The following PLXNB1 variants were observed in gnomAD, a reference collection of about 807,000 sequenced individuals.
PLXNB1 encodes plexin-B1.
A neutral mutation model predicts 209.4 loss-of-function variants in PLXNB1; 106 were observed. The ratio of observed to expected loss-of-function variants is 0.51; its 90% CI spans 0.43 to 0.59. The LOEUF (loss-of-function observed/expected upper bound fraction) is 0.59, where lower values mean the gene tolerates loss of function less well. PLXNB1 is among the 20% of genes least tolerant of loss of function. PLXNB1 has a pLI of 0.00. For missense variants in PLXNB1, 2,357 were observed against 2,853.2 expected (o/e 0.83, Z 3.96); for synonymous variants, 1,167 against 1,183.2 (o/e 0.99, Z 0.28).
At position 48,415,905 on chromosome 3, in the gene PLXNB1, G is replaced by A; in HGVS notation, c.3617+126C>T. 1.4e-5 allele frequency: 19 copies of A among 1,354,072 alleles called. No individual in the cohort carries two copies. The highest frequency in any genetic ancestry group is 1.9e-5 in the Non-Finnish European group (19 of 993,678). The allele number at this position is 1,354,072 out of a possible 1,614,324, so 83.9% of individuals were successfully genotyped here. On this transcript the variant is annotated intron_variant, in intron 18 of 37. Coordinates refer to ENST00000296440, the MANE Select transcript of PLXNB1 (RefSeq NM_001130082.3). The surrounding 1 kb of genome is among the most constrained non-coding windows in gnomAD (Gnocchi z 5.0). ...ACTCCCACCACAGCTGGCTAGGGAG[G>A]GTCTGGCCACTCTCTGAAGGAGCAG...
intron 27 of PLXNB1, 46 bp downstream of exon 27, chr3:48,412,192 C>A (rs756245603): frequency 6.3e-7 from 1 of 1,585,722 alleles, no homozygotes; most frequent in Admixed American, 1.7e-5. Context: ...GTTTGGAGGG[C>A]CTGACCCTCC....
chr3:48,411,878 C>T lies in PLXNB1; in HGVS notation c.5232G>A (p.Val1744=). The T allele has an allele frequency of 1.2e-6, 2 of 1,614,108 alleles. No homozygotes were observed. The highest frequency in any genetic ancestry group is 1.7e-6 in the Non-Finnish European group (2 of 1,179,988). ...ACACCCTCACCAGGGGACGGTACTCCACATCCTCTCTGAGCAGGCGGTTGT... is the reference window on the plus strand; with the variant it reads ...ACACCCTCACCAGGGGACGGTACTCTACATCCTCTCTGAGCAGGCGGTTGT... ...LNDNRLLRED[V]EYRPLTLNAL... Residue 1744 remains valine (V), a synonymous_variant, in exon 28 of 38, where the codon GTG becomes GTA. Coordinates refer to ENST00000296440, the MANE Select transcript of PLXNB1 (RefSeq NM_001130082.3). The surrounding 1 kb of genome is among the most constrained non-coding windows in gnomAD (Gnocchi z 4.0).
intron 21 of PLXNB1, among the ~76,000 whole-genome samples, 197 bp from the exon 22 acceptor site, chr3:48,414,268 C>T (rs1342460258): frequency 1.3e-5 from 2 of 152,194 alleles, no homozygotes; most frequent in Non-Finnish European, 2.9e-5. Context: ...TCCTATCTTT[C>T]TTCTCCAGAA....
intron 6 of PLXNB1, 91 bp from the exon 7 acceptor site, chr3:48,421,897 A>C (rs2038551224): frequency 6.6e-7 from 1 of 1,512,668 alleles, no homozygotes; most frequent in Non-Finnish European, 8.9e-7. Context: ...GGACCTGGGC[A>C]GGGCCCTAGA....
chr3:48,419,255 G>T lies in PLXNB1; in HGVS notation c.2821C>A (p.His941Asn). Residue 941 changes from histidine to asparagine, a missense_variant, in exon 12 of 38, where the codon CAC becomes AAC. By Grantham distance (68) the His-to-Asn change is moderately conservative. Around this residue, in one of 7 missense-constraint regions of PLXNB1, gnomAD observed 410 missense variants for 401.0 expected, o/e 1.02. Transcript: ENST00000296440. This position sits in a 1 kb window ranked among gnomAD's most constrained non-coding sequence, Gnocchi z 5.7. ...REIRLLGRNLHLFQDGPGDNE... is the reference protein window; with the variant it reads ...REIRLLGRNLNLFQDGPGDNE... ...CAGGACACACTGACCTGGAAAAGGT[G>T]CAGGTTCCTGCCTAGCAGCCGGATT... 1 of 1,581,746 alleles carries T rather than the reference G, an allele frequency of 6.3e-7. No individual in the cohort carries two copies. The highest frequency in any genetic ancestry group is 1.1e-5 in the South Asian group (1 of 87,058).
chr3:48,405,638 C>A lies in PLXNB1; in HGVS notation c.6303+86G>T. 5.6e-6 allele frequency: 6 copies of A among 1,069,006 alleles called. No individual in the cohort carries two copies. The highest frequency in any genetic ancestry group is 8.4e-6 in the Non-Finnish European group (6 of 711,322). The allele number at this position is 1,069,006 out of a possible 1,614,324, so 66.2% of individuals were successfully genotyped here. On this transcript the variant is annotated intron_variant, in intron 37 of 37. Transcript: ENST00000296440. The surrounding 1 kb of genome is among the most constrained non-coding windows in gnomAD (Gnocchi z 5.0). ...CTGTCCCTGGGGAAGACCAAAGCCC[C>A]CAACGTGAGTCACAGGGTCAGAGCC...
intron 10 of PLXNB1, 74 bp from the exon 11 acceptor site, chr3:48,420,331 A>G: frequency 1.2e-6 from 1 of 822,130 alleles, no homozygotes; most frequent in Non-Finnish European, 1.9e-6. Flanking sequence ...AGGCAGGCAC[A>G]GTGTATGTTA....
In PLXNB1 at chr3:48,421,733, C is replaced by G; in HGVS notation, c.1594G>C (p.Gly532Arg). 6.2e-7 allele frequency: 1 copy of G among 1,610,970 alleles called. No individual in the cohort carries two copies. Among genetic ancestry groups the G allele is most frequent in the Non-Finnish European group, 8.5e-7 (1 of 1,177,546 alleles). Reference protein sequence around the residue: ...QWLWSFQPELGCLQVAAMSPA... With the variant: ...QWLWSFQPELRCLQVAAMSPA... The stretch of plus-strand genomic sequence containing the variant: ...CTCATGGCTGCCACTTGCAGACAGC[C>G]CAGCTCAGGCTGGAAGCTCCATAGC... The change falls in exon 7 of 38, where the codon GGC becomes CGC. Residue 532 changes from glycine (G) to arginine (R), a missense_variant. Around this residue, in one of 7 missense-constraint regions of PLXNB1, gnomAD observed 214 missense variants for 297.1 expected, o/e 0.72. Coordinates refer to ENST00000296440, the MANE Select transcript of PLXNB1 (RefSeq NM_001130082.3).
chr3:48,414,459 T>G (rs761596128), intron 21 of PLXNB1, among the ~76,000 whole-genome samples: 5 of 152,218 alleles, frequency 3.3e-5, no homozygotes, highest in African/African-American at 1.2e-4. Flanking sequence ...GCCTAGCGCA[T>G]GTCCATGTGA....
Position 48,410,443 on chromosome 3 carries a change from C to G in PLXNB1, c.5520+12G>C, listed in dbSNP as rs1560048394. Reference sequence around the variant, plus strand: ...CCCCACCATGCCCTCCTCCAGCTCCCACTCCTCCTACCTTGTAATGCTGCA... The same window carrying G: ...CCCCACCATGCCCTCCTCCAGCTCCGACTCCTCCTACCTTGTAATGCTGCA... On this transcript the variant is annotated intron_variant, in intron 30 of 37. Transcript: ENST00000296440. This position sits in a 1 kb window ranked among gnomAD's most constrained non-coding sequence, Gnocchi z 6.4. 1.2e-6 allele frequency: 2 copies of G among 1,613,136 alleles called. No homozygotes were observed. Among genetic ancestry groups the G allele is most frequent in the Non-Finnish European group, 1.7e-6 (2 of 1,179,130 alleles).
upstream of PLXNB1, among the ~76,000 whole-genome samples, chr3:48,430,253 G>A (rs547343051): frequency 6.6e-6 from 1 of 152,328 alleles, no homozygotes; most frequent in Admixed American, 6.5e-5. Context: ...CCTCTAGCGG[G>A]GCTGTGAAGG....
Position 48,410,446 on chromosome 3 carries a change from TCCTCCTA to T in PLXNB1, c.5520+2_5520+8del. 1 of 1,612,864 alleles carries T rather than the reference TCCTCCTA, an allele frequency of 6.2e-7. No individual in the cohort carries two copies. The highest frequency in any genetic ancestry group is 8.5e-7 in the Non-Finnish European group (1 of 1,179,102). ...CACCATGCCCTCCTCCAGCTCCCAC[TCCTCCTA>T]CCTTGTAATGCTGCAGTGTGTTCAG... On this transcript the variant is annotated splice_donor_variant and splice_donor_5th_base_variant and intron_variant, in intron 30 of 37. Transcript: ENST00000296440. LOFTEE classifies it high-confidence loss of function. The surrounding 1 kb of genome is among the most constrained non-coding windows in gnomAD (Gnocchi z 6.4).
Position 48,411,139 on chromosome 3 carries a change from C to A in PLXNB1, c.5248-103G>T. ...CTCATGAGAAACTGCTGCCTCCAAT[C>A]CCCACGCACCACACAATCCCTAATT... On this transcript the variant is annotated intron_variant, in intron 28 of 37. Transcript: ENST00000296440. The surrounding 1 kb of genome is among the most constrained non-coding windows in gnomAD (Gnocchi z 4.0). 1 of 925,950 alleles carries A rather than the reference C, an allele frequency of 1.1e-6. No individual in the cohort carries two copies. The highest frequency in any genetic ancestry group is 1.6e-6 in the Non-Finnish European group (1 of 622,242). The allele number at this position is 925,950 out of a possible 1,614,324, so 57.4% of individuals were successfully genotyped here. A position where few individuals can be genotyped will look rare whatever the true frequency, so the allele number is the denominator to read the frequency against.
intron 10 of PLXNB1, 82 bp from the exon 11 acceptor site, chr3:48,420,339 T>A (rs899303907): frequency 3.9e-6 from 3 of 776,896 alleles, no homozygotes; most frequent in African/African-American, 3.5e-5. Context: ...ACAGTGTATG[T>A]TAAGAGGAAA....
chr3:48,422,975 G>C, intron 3 of PLXNB1, 28 bp from the exon 4 acceptor site: 1 of 1,598,236 alleles, frequency 6.3e-7, no homozygotes, highest in South Asian at 1.1e-5. Context: ...CATCAGGAAG[G>C]CCCTCCCTGG....
rs749383784 is a variant in PLXNB1 at position 48,409,435 on chromosome 3, T to A, written c.5981A>T (p.Gln1994Leu). ...AGATGTTTGCACGTCGAACACAAAC[T>A]GCGGGTTTTTTATTATATTGATCCA... is the stretch of plus-strand genomic sequence containing the variant. ...RFWINIIKNP[Q>L]FVFDVQTSDN... Residue 1994 changes from glutamine to leucine, a missense_variant, in exon 34 of 38, where the codon CAG becomes CTG. By Grantham distance (113) the Gln-to-Leu change is moderately radical. Coordinates refer to ENST00000296440, the MANE Select transcript of PLXNB1 (RefSeq NM_001130082.3). The surrounding 1 kb of genome is among the most constrained non-coding windows in gnomAD (Gnocchi z 5.8). The A allele has an allele frequency of 6.2e-7, 1 of 1,614,136 alleles. No individual in the cohort carries two copies. The highest frequency in any genetic ancestry group is 1.1e-5 in the South Asian group (1 of 91,084).
In PLXNB1 at chr3:48,415,455, G is replaced by T; in HGVS notation, c.3795-108C>A. On this transcript the variant is annotated intron_variant, in intron 19 of 37. Transcript: ENST00000296440. This position sits in a 1 kb window ranked among gnomAD's most constrained non-coding sequence, Gnocchi z 5.0. ...GCTCAGCCCCAGCCCCAAACCACAC[G>T]ACCCCTTGCCCCTACTAGCAGCATG... is the stretch of plus-strand genomic sequence containing the variant. 2 of 1,400,738 alleles carry T rather than the reference G, an allele frequency of 1.4e-6. No homozygotes were observed. The highest frequency in any genetic ancestry group is 2.0e-6 in the Non-Finnish European group (2 of 1,023,392). The allele number at this position is 1,400,738 out of a possible 1,614,324, so 86.8% of individuals were successfully genotyped here. A position where few individuals can be genotyped will look rare whatever the true frequency, so the allele number is the denominator to read the frequency against.
Position 48,406,754 on chromosome 3 carries a change from G to A in PLXNB1, c.6228+69C>T. 1.3e-6 allele frequency: 2 copies of A among 1,532,172 alleles called. No homozygotes were observed. Among genetic ancestry groups the A allele is most frequent in the Non-Finnish European group, 1.8e-6 (2 of 1,134,504 alleles). The allele number at this position is 1,532,172 out of a possible 1,614,324, so 94.9% of individuals were successfully genotyped here. A position where few individuals can be genotyped will look rare whatever the true frequency, so the allele number is the denominator to read the frequency against. Reference sequence around the variant, plus strand: ...CCAAGGGCTTCCCTGCAAAGGGGCAGTGTGAAGGGGGAAGGACCGTTGTGG... The same window carrying A: ...CCAAGGGCTTCCCTGCAAAGGGGCAATGTGAAGGGGGAAGGACCGTTGTGG... On this transcript the variant is annotated intron_variant, in intron 36 of 37. Coordinates refer to ENST00000296440, the MANE Select transcript of PLXNB1 (RefSeq NM_001130082.3). This position sits in a 1 kb window ranked among gnomAD's most constrained non-coding sequence, Gnocchi z 4.4.
In PLXNB1 at chr3:48,403,922, A is replaced by T. The variant is rs897548614; in HGVS notation, c.*564T>A. On this transcript the variant is annotated 3_prime_UTR_variant, in exon 38 of 38. Transcript: ENST00000296440. ...ACCACTCTCCCCAAGACCCCCCTGCAGCAGATAGCCCTCACCATGGCTACC... is the reference window on the plus strand; with the variant it reads ...ACCACTCTCCCCAAGACCCCCCTGCTGCAGATAGCCCTCACCATGGCTACC... 2 of 153,812 alleles carry T rather than the reference A, an allele frequency of 1.3e-5. No homozygotes were observed. 9.5% of individuals were successfully genotyped at this position (153,812 alleles called of 1,614,324 possible). A position where few individuals can be genotyped will look rare whatever the true frequency, so the allele number is the denominator to read the frequency against.
Sources: allele counts gnomAD v4.1 joint callset (sites outside exome capture counted in the v4.1 genomes callset), GRCh38; gene constraint gnomAD v4.1.1; regional missense constraint gnomAD v4.1.1; non-coding constraint Gnocchi (gnomAD v3.1); transcripts MANE v1.5; gene names NCBI Gene and HGNC (gene_info 2026-07-23, HGNC 2026-07-21).